The following SYNPR variants were observed in gnomAD, a reference collection of about 807,000 sequenced individuals.
The protein encoded by SYNPR is synaptoporin.
A neutral mutation model predicts 32.9 loss-of-function variants in SYNPR; 23 were observed. The ratio of observed to expected loss-of-function variants is 0.70; its 90% CI spans 0.50 to 0.99. SYNPR has a LOEUF of 0.99. SYNPR is among the 50% of genes least tolerant of loss of function. The probability of loss-of-function intolerance (pLI) is 0.00; values close to 1 mark genes in which losing one functional copy is unlikely to be tolerated. For missense variants in SYNPR, 318 were observed against 349.3 expected (o/e 0.91, Z 0.71); for synonymous variants, 146 against 135.9 (o/e 1.07, Z -0.52).
chr3:63,556,701 TC>T lies in SYNPR; in HGVS notation c.370del (p.Gln124ArgfsTer19). 1 of 1,613,798 alleles carries T rather than the reference TC, an allele frequency of 6.2e-7. No individual in the cohort carries two copies. The highest frequency in any genetic ancestry group is 8.5e-7 in the Non-Finnish European group (1 of 1,179,804). On this transcript the variant is annotated frameshift_variant, in exon 4 of 6. Transcript: ENST00000478300. LOFTEE classifies it high-confidence loss of function. Reference sequence around the variant, plus strand: ...GCTGCCACTGTCGTTTACATTTTCTTCCAGAACAAATACCGGGAAAACAACC... The same window carrying T: ...GCTGCCACTGTCGTTTACATTTTCTTCAGAACAAATACCGGGAAAACAACC... ...SLAATVVYIF[F>X]QNKYRENNRG... is the part of the protein sequence containing the mutation.
chr3:63,520,180 C>T (rs1055310199), intron 3 of SYNPR, among the ~76,000 whole-genome samples: 1 of 152,182 alleles, frequency 6.6e-6, no homozygotes, highest in African/African-American at 2.4e-5. Context: ...GCCCTTTCTT[C>T]TCTCATTAGC....
intron 2 of SYNPR, among the ~76,000 whole-genome samples, chr3:63,450,193 G>A (rs1700352215): frequency 6.6e-6 from 1 of 152,160 alleles, no homozygotes; most frequent in African/African-American, 2.4e-5. Flanking sequence ...TTCACGGAAT[G>A]TAGAGTGATT....
In SYNPR at chr3:63,278,646, G is replaced by T. The variant is rs750736014; in HGVS notation, c.19-31G>T. On this transcript the variant is annotated intron_variant, in intron 1 of 5. Coordinates refer to ENST00000478300, the MANE Select transcript of SYNPR (RefSeq NM_001130003.2). ...GCCCCCAGCCCCTTCCTCACGCTTT[G>T]CTTTCTCTCTCTCGCCTCATTCCCC... The T allele has an allele frequency of 9.7e-6, 15 of 1,551,140 alleles. No homozygotes were observed. The African/African-American group carries it at 1.4e-4, about 14-fold the overall frequency.
intron 2 of SYNPR, among the ~76,000 whole-genome samples, chr3:63,454,710 C>G (rs1307787154): frequency 6.6e-6 from 1 of 151,886 alleles, no homozygotes; most frequent in African/African-American, 2.4e-5. Flanking sequence ...TGAAAACCTC[C>G]CATAAAACAA....
intron 2 of SYNPR, among the ~76,000 whole-genome samples, chr3:63,460,972 G>A (rs188631362): frequency 1.3e-5 from 2 of 152,034 alleles, no homozygotes; most frequent in Non-Finnish European, 2.9e-5. Context: ...TTATGAATGT[G>A]GAACTAACAA....
intron 2 of SYNPR, among the ~76,000 whole-genome samples, chr3:63,366,179 T>C (rs1272335016): frequency 6.6e-6 from 1 of 152,214 alleles, no homozygotes; most frequent in African/African-American, 2.4e-5. Flanking sequence ...ATGGAATCTC[T>C]GGTTATGTAC....
chr3:63,243,850 T>C (rs2086265598), intron 1 of SYNPR, among the ~76,000 whole-genome samples: 2 of 150,752 alleles, frequency 1.3e-5, no homozygotes, highest in African/African-American at 4.9e-5. Context: ...CCAGATTGAG[T>C]TAAAGGAGCT....
intron 2 of SYNPR, among the ~76,000 whole-genome samples, chr3:63,333,671 G>A (rs1306186861): frequency 6.6e-6 from 1 of 151,988 alleles, no homozygotes; most frequent in African/African-American, 2.4e-5. Flanking sequence ...TCTCACCTTG[G>A]CTTTCCAAAG....
chr3:63,299,064 T>G lies in SYNPR; in HGVS notation c.84+20322T>G, dbSNP rs137856889. ...AGTTGCTGCATTCTCCACCTTGCTT[T>G]GTCTGAGCTTATATTAAAAAAATAG... On this transcript the variant is annotated intron_variant, in intron 2 of 5. Coordinates refer to ENST00000478300, the MANE Select transcript of SYNPR (RefSeq NM_001130003.2). Among the ~76,000 whole-genome samples the G allele has an allele frequency of 9.5e-3, 1,450 of 152,306 alleles. 8 individuals carry two copies. The highest frequency in any genetic ancestry group is 0.058 in the Middle Eastern group (17 of 294).
upstream of SYNPR, among the ~76,000 whole-genome samples, chr3:63,275,553 A>G (rs188037327): frequency 1.6e-4 from 25 of 152,336 alleles, no homozygotes; most frequent in African/African-American, 5.0e-4. Flanking sequence ...GAATAGGCTC[A>G]GTAATCACAC....
At chr3:63,523,449 G>GCT (rs1192243198) in intron 3 of SYNPR, among the ~76,000 whole-genome samples, 1 of 152,128 alleles carries the variant, frequency 6.6e-6, no homozygotes. Flanking sequence ...AGCCCCATCA[G>GCT]CTCTCTCTCT....
chr3:63,615,081 C>A lies in SYNPR; in HGVS notation c.601-143C>A, dbSNP rs554504612. On this transcript the variant is annotated intron_variant, in intron 5 of 5. Coordinates refer to ENST00000478300, the MANE Select transcript of SYNPR (RefSeq NM_001130003.2). Reference sequence around the variant, plus strand: ...AGGTCAAATATTCTAAATGAAATACCGGTTCCAAATGGAAAACTTGGAAGC... The same window carrying A: ...AGGTCAAATATTCTAAATGAAATACAGGTTCCAAATGGAAAACTTGGAAGC... 7 of 985,020 alleles carry A rather than the reference C, an allele frequency of 7.1e-6. No homozygotes were observed. The Admixed American group carries it at 1.7e-4, about 24-fold the overall frequency. The allele number at this position is 985,020 out of a possible 1,614,324, so 61.0% of individuals were successfully genotyped here.
At chr3:63,481,449 A>ATGTGTGTG (rs200642486) in intron 3 of SYNPR, among the ~76,000 whole-genome samples, 6,607 of 147,876 alleles carry the variant, frequency 0.045, 173 homozygotes, top group South Asian at 0.097. Context: ...ATATATATAT[A>ATGTGTGTG]TATGTGTGTG....
At chr3:63,595,937 T>G (rs866047121) in intron 4 of SYNPR, among the ~76,000 whole-genome samples, 1 of 72,444 alleles carries the variant, frequency 1.4e-5, no homozygotes, top group African/African-American at 5.1e-5. Flanking sequence ...ATATATAGTT[T>G]TATATATATA....
intron 3 of SYNPR, among the ~76,000 whole-genome samples, chr3:63,515,880 T>C (rs1701788677): frequency 6.6e-6 from 1 of 152,052 alleles, no homozygotes. Flanking sequence ...TAACATTAAA[T>C]TATTTTTTTT....
intron 2 of SYNPR, among the ~76,000 whole-genome samples, chr3:63,355,463 A>C (rs2087565026): frequency 6.6e-6 from 1 of 152,050 alleles, no homozygotes; most frequent in African/African-American, 2.4e-5. Flanking sequence ...TTTCCCACTG[A>C]TTGTTCCACG....
At chr3:63,352,404 A>G (rs2087521982) in intron 2 of SYNPR, among the ~76,000 whole-genome samples, 1 of 152,196 alleles carries the variant, frequency 6.6e-6, no homozygotes. Flanking sequence ...GATCAGTATC[A>G]TAAAGCTCGA....
intron 1 of SYNPR, among the ~76,000 whole-genome samples, chr3:63,229,720 A>T (rs1377907281): frequency 6.6e-6 from 1 of 152,046 alleles, no homozygotes; most frequent in Non-Finnish European, 1.5e-5. Flanking sequence ...TATTATTATT[A>T]TTCACTCAAT....
rs911368319 is a variant in SYNPR at position 63,278,484 on chromosome 3, T to C, written c.-50T>C. On this transcript the variant is annotated 5_prime_UTR_variant, in exon 1 of 6. Transcript: ENST00000478300. ...CTGAGGACGGTGGTGCCAAGCGAAC[T>C]TCATTTTTAAAAAGAACTGGTGGAT... 5.2e-6 allele frequency: 8 copies of C among 1,535,636 alleles called. No individual in the cohort carries two copies. The East Asian group carries it at 9.8e-5, about 19-fold the overall frequency.
Sources: gnomAD v4.1 joint callset for allele counts (sites outside exome capture counted in the v4.1 genomes callset) on GRCh38, gnomAD v4.1.1 for gene constraint, MANE v1.5 for transcripts, NCBI Gene and HGNC (gene_info 2026-07-23, HGNC 2026-07-21) for gene names.